Variants in MCM6 observed in about 807,000 individuals in gnomAD.
MCM6 encodes the protein minichromosome maintenance complex component 6.
Under a neutral mutation model 94.3 loss-of-function variants are expected in MCM6, and 46 were observed. That is an observed-to-expected ratio of 0.49 (90% CI 0.39 to 0.62). The LOEUF is 0.62. Ranked by LOEUF, MCM6 falls within the 20% of genes least tolerant of loss-of-function variation. The pLI, the probability that MCM6 is intolerant of heterozygous loss-of-function variation, is 0.00. For synonymous variants in MCM6, 335 were observed against 351.9 expected (o/e 0.95, Z 0.54); for missense variants, 865 against 1,017.9 (o/e 0.85, Z 2.04).
rs1377433382 is a variant in MCM6, at chr2:135,873,231, A to G, written c.108-388T>C. Among the ~76,000 whole-genome samples, 3 of 152,216 alleles carry G rather than the reference A, an allele frequency of 2.0e-5. No homozygotes were observed. In the East Asian group the frequency reaches 5.8e-4, roughly 29 times the overall value. ...GACTTGCTCCTCCTTGCCTTCCACCATGATTGTGAGGTTTAACTGCTAACT... is the reference window on the plus strand; with the variant it reads ...GACTTGCTCCTCCTTGCCTTCCACCGTGATTGTGAGGTTTAACTGCTAACT... On this transcript the variant is annotated intron_variant, in intron 1 of 16. Transcript: ENST00000264156.
At chr2:135,873,987 GGAT>G (rs1680250894) in intron 1 of MCM6, among the ~76,000 whole-genome samples, 1 of 152,228 alleles carries the variant, frequency 6.6e-6, no homozygotes, top group Non-Finnish European at 1.5e-5. Context: ...GGAGAAGTGT[GGAT>G]GATGACTGGG....
intron 8 of MCM6, 144 bp downstream of exon 8, chr2:135,862,463 A>C: frequency 1.1e-6 from 1 of 907,414 alleles, no homozygotes; most frequent in South Asian, 2.5e-5. Context: ...TGTTGCCATA[A>C]CTTTAATCTA....
rs758122279 is a variant in MCM6, at chr2:135,856,803, T to C, written c.1551A>G (p.Lys517=). 4 of 1,614,192 alleles carry C rather than the reference T, an allele frequency of 2.5e-6. No individual in the cohort carries two copies. In the Admixed American group the frequency reaches 6.7e-5, roughly 27 times the overall value. Residue 517 remains lysine (K), a synonymous_variant, in exon 11 of 17, where the codon AAA becomes AAG. Coordinates refer to ENST00000264156, the MANE Select transcript of MCM6 (RefSeq NM_005915.6). The part of the protein sequence containing the change: ...SGHYDRSKSL[K]QNINLSAPIM... ...TGGGAGCTGACAAATTTATATTCTGTTTCAATGATTTTGATCTGTCATAGT... is the reference window on the plus strand; with the variant it reads ...TGGGAGCTGACAAATTTATATTCTGCTTCAATGATTTTGATCTGTCATAGT...
intron 12 of MCM6, 197 bp from the exon 13 acceptor site, chr2:135,851,760 T>C (rs1232727938): frequency 4.9e-6 from 2 of 406,950 alleles, no homozygotes; most frequent in Admixed American, 4.0e-5. Context: ...GTGAATTCCA[T>C]GTTACTAATT....
chr2:135,875,701 G>A (rs1298257596), intron 1 of MCM6, among the ~76,000 whole-genome samples: 2 of 152,164 alleles, frequency 1.3e-5, no homozygotes, highest in Non-Finnish European at 2.9e-5. Context: ...CCAGAAGAAG[G>A]GATATGGTGA....
chr2:135,875,007 G>A (rs776435678), intron 1 of MCM6, among the ~76,000 whole-genome samples: 1 of 152,198 alleles, frequency 6.6e-6, no homozygotes, highest in Non-Finnish European at 1.5e-5. Context: ...GGTGGGTGAC[G>A]GTGGCTGAGG....
chr2:135,850,974 C>T (rs1679770393), intron 13 of MCM6, among the ~76,000 whole-genome samples: 3 of 152,172 alleles, frequency 2.0e-5, no homozygotes, highest in South Asian at 2.1e-4. Context: ...CTCGTTAATA[C>T]CCACTGACCT....
rs141588554 is a variant in MCM6, at chr2:135,857,371, G to C, written c.1471-488C>G. Among the ~76,000 whole-genome samples, 14 of 152,312 alleles carry C rather than the reference G, an allele frequency of 9.2e-5. No individual in the cohort carries two copies. The East Asian group carries it at 2.5e-3, about 27-fold the overall frequency. On this transcript the variant is annotated intron_variant, in intron 10 of 16. Coordinates refer to ENST00000264156, the MANE Select transcript of MCM6 (RefSeq NM_005915.6). ...TCCTAAAAGGGGCACAAACTCAATA[G>C]ATGCCTTATTTTCCTCCTCCTAAAA...
At chr2:135,870,454 A>C (rs1680179768) in intron 2 of MCM6, 93 bp from the exon 3 acceptor site, 4 of 837,760 alleles carry the variant, frequency 4.8e-6, no homozygotes, top group Non-Finnish European at 8.1e-6. Flanking sequence ...AAGGAATTTC[A>C]TCTGGTTACA....
In MCM6 at chr2:135,862,851, G is replaced by A. The variant is rs891187605; in HGVS notation, c.1079-103C>T. On this transcript the variant is annotated intron_variant, in intron 7 of 16. Coordinates refer to ENST00000264156, the MANE Select transcript of MCM6 (RefSeq NM_005915.6). ...GCATGTTTACCAACCGAAAGGCAGAGTCAGCTAAAGCAAAGCATAAAACTG... is the reference window on the plus strand; with the variant it reads ...GCATGTTTACCAACCGAAAGGCAGAATCAGCTAAAGCAAAGCATAAAACTG... 36 of 1,227,360 alleles carry A rather than the reference G, an allele frequency of 2.9e-5. No individual in the cohort carries two copies. In the Admixed American group the frequency reaches 7.5e-4, roughly 26 times the overall value. 76.0% of individuals were successfully genotyped at this position (1,227,360 alleles called of 1,614,324 possible).
At chr2:135,842,448 A>G (rs2105569788) in intron 16 of MCM6, among the ~76,000 whole-genome samples, 1 of 152,330 alleles carries the variant, frequency 6.6e-6, no homozygotes, top group African/African-American at 2.4e-5. Flanking sequence ...ACATAATAGG[A>G]AAATTTAACC....
At chr2:135,865,923 A>C (rs1680086380) in intron 6 of MCM6, among the ~76,000 whole-genome samples, 1 of 152,126 alleles carries the variant, frequency 6.6e-6, no homozygotes, top group African/African-American at 2.4e-5. Flanking sequence ...CCAACAGAGC[A>C]AGACCTCATC....
Position 135,846,329 on chromosome 2 carries a change from T to C in MCM6, c.2117A>G (p.Glu706Gly). 1.2e-6 allele frequency: 2 copies of C among 1,614,056 alleles called. No homozygotes were observed. The highest frequency in any genetic ancestry group is 1.7e-6 in the Non-Finnish European group (2 of 1,179,930). The change falls in exon 15 of 17, where the codon GAG (glutamate) becomes GGG (glycine). Residue 706 changes from glutamate to glycine, a missense_variant. By Grantham distance (98) the Glu-to-Gly change is moderately conservative. Coordinates refer to ENST00000264156, the MANE Select transcript of MCM6 (RefSeq NM_005915.6). ...INGYNEDINQ[E>G]SAPKASLRLG... ...CCTTAAGGAGGCTTTGGGAGCAGAC[T>C]CTTGATTTATGTCTTCATTGTAGCC...
chr2:135,849,026 AG>A (rs1178511569), intron 13 of MCM6, among the ~76,000 whole-genome samples: 1 of 152,246 alleles, frequency 6.6e-6, no homozygotes, highest in Non-Finnish European at 1.5e-5. Context: ...TATGAAGAAA[AG>A]TTTAAAGCAC....
At chr2:135,853,894 C>T (rs1355354094) in intron 11 of MCM6, among the ~76,000 whole-genome samples, 4 of 152,192 alleles carry the variant, frequency 2.6e-5, no homozygotes, top group African/African-American at 9.7e-5. Flanking sequence ...TATTCCATTT[C>T]TTGCAACTTT....
In MCM6 at chr2:135,852,857, G is replaced by A; in HGVS notation, c.1685C>T (p.Ser562Leu). The stretch of plus-strand genomic sequence containing the variant: ...ATCGAGGGAATAGACACGATCAATT[G>A]ATTCCTCAATTCTTGAATGCAAATC... ...IVDLHSRIEESIDRVYSLDDI... is the reference protein window; with the variant it reads ...IVDLHSRIEELIDRVYSLDDI... Residue 562 changes from serine to leucine, a missense_variant, in exon 12 of 17, where the codon TCA becomes TTA. By Grantham distance (145) the Ser-to-Leu change is moderately radical. Transcript: ENST00000264156. 1 of 1,610,570 alleles carries A rather than the reference G, an allele frequency of 6.2e-7. No homozygotes were observed. Among genetic ancestry groups the A allele is most frequent in the Non-Finnish European group, 8.5e-7 (1 of 1,178,114 alleles).
At chr2:135,841,180 A>T (rs1679562689) in intron 16 of MCM6, among the ~76,000 whole-genome samples, 1 of 152,224 alleles carries the variant, frequency 6.6e-6, no homozygotes, top group Non-Finnish European at 1.5e-5. Context: ...CTTGTGGAAA[A>T]TTAAGAAATA....
intron 15 of MCM6, among the ~76,000 whole-genome samples, chr2:135,845,956 G>A (rs1038557345): frequency 6.6e-6 from 1 of 152,172 alleles, no homozygotes; most frequent in African/African-American, 2.4e-5. Flanking sequence ...ACATTTGTAT[G>A]TGCTGCTTCA....
intron 5 of MCM6, 94 bp from the exon 6 acceptor site, chr2:135,866,371 C>T (rs1167217583): frequency 1.3e-6 from 2 of 1,497,454 alleles, no homozygotes; most frequent in Non-Finnish European, 1.8e-6. Context: ...AATCCAAAGA[C>T]TTCACTTAAG....
Sources: allele counts gnomAD v4.1 joint callset (sites outside exome capture counted in the v4.1 genomes callset), GRCh38; gene constraint gnomAD v4.1.1; transcripts MANE v1.5; gene names NCBI Gene and HGNC (gene_info 2026-07-23, HGNC 2026-07-21).